Variants in MAP2K5 observed in about 807,000 individuals in gnomAD.
The protein encoded by MAP2K5 is dual specificity mitogen-activated protein kinase kinase 5.
Under a neutral mutation model 83.1 loss-of-function variants are expected in MAP2K5, and 49 were observed. That is an observed-to-expected ratio of 0.59 (90% CI 0.47 to 0.75). The LOEUF is 0.75. Among genes scored for constraint, MAP2K5 ranks in the 30% least tolerant of loss-of-function variants. The pLI is 0.00. For missense variants in MAP2K5, 457 were observed against 557.5 expected, an observed-to-expected ratio of 0.82 and a Z score of 1.82; for synonymous variants, 202 against 191.8, an observed-to-expected ratio of 1.05 and a Z score of -0.44.
At chr15:67,643,401 C>G (rs560256890) in intron 9 of MAP2K5, among the ~76,000 whole-genome samples, 2 of 152,310 alleles carry the variant, frequency 1.3e-5, no homozygotes, top group African/African-American at 4.8e-5. Context: ...TTTTGTATTA[C>G]ACTTACAGTC....
intron 19 of MAP2K5, among the ~76,000 whole-genome samples, chr15:67,767,067 G>A (rs1566957418): frequency 6.6e-6 from 1 of 152,050 alleles, no homozygotes; most frequent in Admixed American, 6.5e-5. Context: ...CTGCAAAGTC[G>A]ACTTGGGCTG....
At chr15:67,714,438 AAAAAAAAAAAAAAAAAAC>A (rs2088781293) in intron 16 of MAP2K5, among the ~76,000 whole-genome samples, 9 of 145,606 alleles carry the variant, frequency 6.2e-5, no homozygotes, top group South Asian at 2.1e-4. Flanking sequence ...AAAAAAAAAA[AAAAAAAAAAAAAAAAAAC>A]CACCACCCTG....
chr15:67,635,255 G>A (rs183019740), intron 9 of MAP2K5, among the ~76,000 whole-genome samples: 5 of 148,010 alleles, frequency 3.4e-5, no homozygotes, highest in African/African-American at 7.5e-5. Flanking sequence ...GTGCGATCTC[G>A]GCTCCGCCTC....
chr15:67,742,426 A>G (rs909971323), intron 17 of MAP2K5, among the ~76,000 whole-genome samples: 1 of 152,238 alleles, frequency 6.6e-6, no homozygotes, highest in Non-Finnish European at 1.5e-5. Context: ...ATTTTGAAAC[A>G]TTAAAATGTT....
At chr15:67,693,482 C>G (rs369082688) in intron 14 of MAP2K5, 36 bp from the exon 15 acceptor site, 10 of 1,538,382 alleles carry the variant, frequency 6.5e-6, no homozygotes, top group Non-Finnish European at 8.9e-6. Flanking sequence ...TCCACATTAT[C>G]TTTATATTGT....
chr15:67,786,006 A>G lies in MAP2K5; in HGVS notation c.1242+13254A>G, dbSNP rs1199512772. ...GATACCAACTTCACAGGGGGCTTTT[A>G]GCTGTTAGGTTGTTTTTTTTTTTTT... On this transcript the variant is annotated intron_variant, in intron 21 of 21. Transcript: ENST00000178640. The surrounding 1 kb of genome is among the most constrained non-coding windows in gnomAD (Gnocchi z 4.7). Among the ~76,000 whole-genome samples, 1 of 137,122 alleles carries G rather than the reference A, an allele frequency of 7.3e-6. No homozygotes were observed. The allele number at this position is 137,122 out of a possible 152,430, so 90.0% of individuals were successfully genotyped here. A position where few individuals can be genotyped will look rare whatever the true frequency, so the allele number is the denominator to read the frequency against.
chr15:67,805,951 G>T (rs2090795977), intron 21 of MAP2K5, among the ~76,000 whole-genome samples: 1 of 152,210 alleles, frequency 6.6e-6, no homozygotes, highest in Admixed American at 6.5e-5. Flanking sequence ...GCAGAGAAGA[G>T]AACTGGCTAA....
intron 20 of MAP2K5, among the ~76,000 whole-genome samples, chr15:67,772,163 A>G (rs1396056825): frequency 6.6e-6 from 1 of 152,256 alleles, no homozygotes; most frequent in Admixed American, 6.5e-5. Flanking sequence ...AAGATAATCT[A>G]TAGCAACACA....
At chr15:67,683,297 C>T (rs1305756069) in intron 13 of MAP2K5, among the ~76,000 whole-genome samples, 1 of 152,044 alleles carries the variant, frequency 6.6e-6, no homozygotes, top group Admixed American at 6.5e-5. Flanking sequence ...TGTCCTTAAC[C>T]CAAGATTTAA....
At position 67,640,320 on chromosome 15, in the gene MAP2K5, C is replaced by T. The variant is rs563961859; in HGVS notation, c.586-5911C>T. On this transcript the variant is annotated intron_variant, in intron 9 of 21. Transcript: ENST00000178640. The surrounding 1 kb of genome is among the most constrained non-coding windows in gnomAD (Gnocchi z 4.6). ...AGCTCACATACAAAATATCTCATAGCGTTCTTTATATGGACCATTGCTCTC... is the reference window on the plus strand; with the variant it reads ...AGCTCACATACAAAATATCTCATAGTGTTCTTTATATGGACCATTGCTCTC... Among the ~76,000 whole-genome samples the T allele has an allele frequency of 1.5e-4, 23 of 152,228 alleles. 1 individual carries two copies. The South Asian group carries it at 3.9e-3, about 26-fold the overall frequency.
At chr15:67,567,378 G>A (rs906314843) in intron 3 of MAP2K5, among the ~76,000 whole-genome samples, 36 of 124,156 alleles carry the variant, frequency 2.9e-4, no homozygotes, top group Non-Finnish European at 5.4e-4. Flanking sequence ...TTTTTTTTGA[G>A]ACAGAGTCTC....
rs8035915 is a variant in MAP2K5 at position 67,769,681 on chromosome 15, C to T, written c.1196+18C>T. 27,819 of 1,612,422 alleles carry T rather than the reference C, an allele frequency of 0.017. 317 individuals carry two copies. The highest frequency in any genetic ancestry group is 0.035 in the African/African-American group (2,653 of 74,972). On this transcript the variant is annotated intron_variant, in intron 20 of 21. Coordinates refer to ENST00000178640, the MANE Select transcript of MAP2K5 (RefSeq NM_145160.3). The surrounding 1 kb of genome is among the most constrained non-coding windows in gnomAD (Gnocchi z 5.2). Reference sequence around the variant, plus strand: ...ACTCAGTGGTGAGCCCGTTTACAAACATGCCATGCCCTCAATGTAAATGAT... The same window carrying T: ...ACTCAGTGGTGAGCCCGTTTACAAATATGCCATGCCCTCAATGTAAATGAT...
rs995684233 is a variant in MAP2K5, at chr15:67,785,740, A to G, written c.1242+12988A>G. Among the ~76,000 whole-genome samples the G allele has an allele frequency of 2.0e-5, 3 of 152,234 alleles. No homozygotes were observed. Among genetic ancestry groups the G allele is most frequent in the Non-Finnish European group, 4.4e-5 (3 of 68,038 alleles). Reference sequence around the variant, plus strand: ...AGGTAGAAGGGTTTGTGATCTGACAACTGGCAGGATGTGTTGTGCGTAAAG... The same window carrying G: ...AGGTAGAAGGGTTTGTGATCTGACAGCTGGCAGGATGTGTTGTGCGTAAAG... On this transcript the variant is annotated intron_variant, in intron 21 of 21. Transcript: ENST00000178640. The surrounding 1 kb of genome is among the most constrained non-coding windows in gnomAD (Gnocchi z 4.4).
At chr15:67,745,240 A>G (rs11635424) in intron 17 of MAP2K5, among the ~76,000 whole-genome samples, 80,197 of 152,058 alleles carry the variant, frequency 0.53, 23,569 homozygotes, top group Non-Finnish European at 0.68. Context: ...ACAGCATTTC[A>G]TATGTTGTGA....
chr15:67,597,929 C>T (rs147981378), intron 7 of MAP2K5, among the ~76,000 whole-genome samples: 2 of 152,182 alleles, frequency 1.3e-5, no homozygotes, highest in Non-Finnish European at 1.5e-5. Flanking sequence ...TCAGGCCGGG[C>T]GTGGTCGCTC....
intron 16 of MAP2K5, among the ~76,000 whole-genome samples, chr15:67,725,888 A>G (rs1411828770): frequency 6.6e-6 from 1 of 152,178 alleles, no homozygotes; most frequent in Admixed American, 6.5e-5. Context: ...ACGAACCTGT[A>G]TTGAAAGGAG....
intron 3 of MAP2K5, among the ~76,000 whole-genome samples, chr15:67,566,605 T>C (rs1482864666): frequency 6.6e-6 from 1 of 152,194 alleles, no homozygotes; most frequent in Non-Finnish European, 1.5e-5. Flanking sequence ...TCTTTTTCAT[T>C]GATTACAAAG....
chr15:67,804,485 G>A (rs988620078), intron 21 of MAP2K5, among the ~76,000 whole-genome samples: 3 of 152,240 alleles, frequency 2.0e-5, no homozygotes, highest in East Asian at 1.9e-4. Flanking sequence ...CATCTCCACC[G>A]GAGCTGAGTA....
Position 67,580,814 on chromosome 15 carries a change from T to C in MAP2K5, c.313T>C (p.Phe105Leu). The C allele has an allele frequency of 1.2e-6, 2 of 1,605,270 alleles. No homozygotes were observed. The highest frequency in any genetic ancestry group is 1.1e-5 in the South Asian group (1 of 90,864). ...ACAGTTAATAGAGCCTCTGCAGATA[T>C]TTCCAAGAGGTAATGTTGAGCAAAT... Reference protein sequence around the residue: ...NGQLIEPLQIFPRACKPPGER... With the variant: ...NGQLIEPLQILPRACKPPGER... The change falls in exon 4 of 22, where the codon TTT (phenylalanine) becomes CTT (leucine). Residue 105 changes from phenylalanine to leucine, a missense_variant. Physicochemically the swap from Phe to Leu is conservative, Grantham distance 22. Transcript: ENST00000178640.
Sources: allele counts gnomAD v4.1 joint callset (sites outside exome capture counted in the v4.1 genomes callset), GRCh38; gene constraint gnomAD v4.1.1; non-coding constraint Gnocchi (gnomAD v3.1); transcripts MANE v1.5; gene names NCBI Gene and HGNC (gene_info 2026-07-23, HGNC 2026-07-21).